Variants in TPRG1 observed in about 807,000 individuals in gnomAD.
The protein encoded by TPRG1 is tumor protein p63-regulated gene 1 protein.
Under a neutral mutation model 29.3 loss-of-function variants are expected in TPRG1, and 29 were observed. The ratio of observed to expected loss-of-function variants is 0.99; its 90% CI spans 0.74 to 1.35. TPRG1 has a LOEUF of 1.35. TPRG1 is among the 40% of genes most tolerant of loss of function. The probability of loss-of-function intolerance (pLI) is 0.00; values close to 1 mark genes in which losing one functional copy is unlikely to be tolerated. For missense variants in TPRG1, 327 were observed against 335.0 expected, an observed-to-expected ratio of 0.98 and a Z score of 0.19; for synonymous variants, 130 against 116.8, an observed-to-expected ratio of 1.11 and a Z score of -0.73.
chr3:189,125,748 A>T (rs1722378664), intron 1 of TPRG1, among the ~76,000 whole-genome samples: 1 of 151,438 alleles, frequency 6.6e-6, no homozygotes, highest in African/African-American at 2.4e-5. Context: ...AATTCTTTAT[A>T]TCAGACTTAT....
intron 5 of TPRG1, among the ~76,000 whole-genome samples, chr3:189,312,462 A>T (rs903757355): frequency 1.3e-5 from 2 of 152,114 alleles, no homozygotes; most frequent in African/African-American, 4.8e-5. Context: ...ATATTTTTGA[A>T]TTAGTAGTAA....
At chr3:189,257,308 T>C (rs1026582043) in intron 4 of TPRG1, among the ~76,000 whole-genome samples, 3 of 152,220 alleles carry the variant, frequency 2.0e-5, no homozygotes, top group Non-Finnish European at 4.4e-5. Context: ...AAAATTCTTT[T>C]CTTTAAGAAT....
intron 4 of TPRG1, among the ~76,000 whole-genome samples, chr3:189,273,721 T>C (rs1044552664): frequency 2.6e-5 from 4 of 152,156 alleles, no homozygotes; most frequent in African/African-American, 4.8e-5. Context: ...TGGCCTGGAG[T>C]TGAAAATCAG....
intron 3 of TPRG1, among the ~76,000 whole-genome samples, chr3:189,134,674 C>A (rs1261269623): frequency 6.6e-6 from 1 of 152,096 alleles, no homozygotes; most frequent in Non-Finnish European, 1.5e-5. Context: ...TCCTCAGCCT[C>A]CCAAACTGCT....
rs1020261743 is a variant in TPRG1, at chr3:189,017,228, TA to T, written c.-659-6521del. On this transcript the variant is annotated intron_variant, in intron 3 of 10. Coordinates refer to the TPRG1 transcript ENST00000433971. ...TTCTTTTTTTTTTTATTAAAATATATATTTTTTTATATTATTATACTTTAAG... is the reference window on the plus strand; with the variant it reads ...TTCTTTTTTTTTTTATTAAAATATATTTTTTTTATATTATTATACTTTAAG... Among the ~76,000 whole-genome samples, 220 of 150,646 alleles carry T rather than the reference TA, an allele frequency of 1.5e-3. 1 individual carries two copies. Among genetic ancestry groups the T allele is most frequent in the African/African-American group, 2.9e-4 (12 of 41,224 alleles).
At chr3:189,039,098 C>T (rs1418565068) in intron 4 of TPRG1, among the ~76,000 whole-genome samples, 2 of 152,138 alleles carry the variant, frequency 1.3e-5, no homozygotes, top group Non-Finnish European at 2.9e-5. Flanking sequence ...CAGAAATTCC[C>T]GGAGGGAAAC....
intron 3 of TPRG1, among the ~76,000 whole-genome samples, chr3:189,229,410 G>A (rs374643945): frequency 1.3e-5 from 2 of 152,324 alleles, no homozygotes; most frequent in African/African-American, 2.4e-5. Context: ...TGGACAAAGA[G>A]AGGTTAAGTC....
chr3:189,231,451 A>T (rs1738637825), intron 3 of TPRG1, among the ~76,000 whole-genome samples: 1 of 152,104 alleles, frequency 6.6e-6, no homozygotes, highest in South Asian at 2.1e-4. Flanking sequence ...TTCAGTGAAT[A>T]TACAAAGTGT....
chr3:189,136,708 T>C (rs1723790318), intron 3 of TPRG1, among the ~76,000 whole-genome samples: 1 of 152,212 alleles, frequency 6.6e-6, no homozygotes, highest in Non-Finnish European at 1.5e-5. Context: ...AAGGTTATTA[T>C]GCACATTTGA....
chr3:189,149,104 A>G (rs1391772345), intron 4 of TPRG1, among the ~76,000 whole-genome samples: 4 of 152,180 alleles, frequency 2.6e-5, no homozygotes, highest in South Asian at 4.1e-4. Flanking sequence ...GCTGTTCTCA[A>G]GATTCCATTT....
At chr3:189,306,063 A>G (rs1376665712) in intron 4 of TPRG1, among the ~76,000 whole-genome samples, 1 of 152,236 alleles carries the variant, frequency 6.6e-6, no homozygotes, top group Non-Finnish European at 1.5e-5. Context: ...ACAAATTGAT[A>G]GTAAAATCGG....
At chr3:189,061,642 C>A in intron 4 of TPRG1, among the ~76,000 whole-genome samples, 1 of 152,248 alleles carries the variant, frequency 6.6e-6, no homozygotes, top group African/African-American at 2.4e-5. Flanking sequence ...TGAACAGACA[C>A]TTTTCAAGAG....
chr3:189,142,530 G>T (rs1161568408), intron 3 of TPRG1, among the ~76,000 whole-genome samples: 1 of 152,064 alleles, frequency 6.6e-6, no homozygotes, highest in African/African-American at 2.4e-5. Context: ...TGTGATCTGT[G>T]GAAGCTTTCA....
chr3:189,074,555 G>C (rs1717018308), intron 4 of TPRG1, among the ~76,000 whole-genome samples: 1 of 152,000 alleles, frequency 6.6e-6, no homozygotes, highest in African/African-American at 2.4e-5. Context: ...ACTCATATTA[G>C]ATGTAGGTTA....
rs567280407 is a variant in TPRG1 at position 189,181,867 on chromosome 3, T to C, written c.-10+9736T>C. Among the ~76,000 whole-genome samples, 226 of 152,194 alleles carry C rather than the reference T, an allele frequency of 1.5e-3. 2 individuals are homozygous for C. The highest frequency in any genetic ancestry group is 1.0e-4 in the Non-Finnish European group (7 of 68,016). On this transcript the variant is annotated intron_variant, in intron 1 of 5. Transcript: ENST00000345063. ...AAAGACACACCTGAGACTGGGCAAT[T>C]TATGAAAGAAAGAGTTTTAATGGAC...
At chr3:189,259,620 C>T (rs1441962180) in intron 4 of TPRG1, among the ~76,000 whole-genome samples, 2 of 151,672 alleles carry the variant, frequency 1.3e-5, no homozygotes, top group Non-Finnish European at 2.9e-5. Flanking sequence ...AGGTGTCTGC[C>T]ACCACACCCT....
chr3:189,272,160 C>T (rs367777026), intron 4 of TPRG1, among the ~76,000 whole-genome samples: 2 of 152,186 alleles, frequency 1.3e-5, no homozygotes, highest in South Asian at 2.1e-4. Flanking sequence ...TTCATGTCAT[C>T]GTTTAACCAT....
rs141308583 is a variant in TPRG1 at position 189,220,768 on chromosome 3, T to C, written c.302+5385T>C. Among the ~76,000 whole-genome samples the C allele has an allele frequency of 4.6e-3, 701 of 152,340 alleles. 3 individuals are homozygous for C. The highest frequency in any genetic ancestry group is 8.3e-3 in the Non-Finnish European group (563 of 68,030). On this transcript the variant is annotated intron_variant, in intron 3 of 5. Transcript: ENST00000345063. The stretch of plus-strand genomic sequence containing the variant: ...TCCATCCATGTCCCTGCAAAGGACA[T>C]GATCTCATTCTTTTTTATGTCTGCA...
chr3:189,227,121 T>C (rs150121416), intron 3 of TPRG1, among the ~76,000 whole-genome samples: 1,996 of 150,304 alleles, frequency 0.013, 19 homozygotes, highest in Non-Finnish European at 0.018. Context: ...GATACTAGCC[T>C]AGGCAACAGA....
Sources: gnomAD v4.1 joint callset for allele counts (sites outside exome capture counted in the v4.1 genomes callset) on GRCh38, gnomAD v4.1.1 for gene constraint, MANE v1.5 for transcripts, NCBI Gene and HGNC (gene_info 2026-07-23, HGNC 2026-07-21) for gene names.